The following COBL variants were observed in gnomAD, a reference collection of about 807,000 sequenced individuals.
The protein encoded by COBL is protein cordon-bleu.
In COBL, 51 loss-of-function variants were observed where a neutral mutation model predicts 98.8. That is an observed-to-expected ratio of 0.52 (90% CI 0.41 to 0.65). The LOEUF is 0.65. COBL is among the 30% of genes least tolerant of loss of function. COBL has a pLI of 0.00. For synonymous variants in COBL, 634 were observed against 651.7 expected (o/e 0.97, Z 0.41); for missense variants, 1,617 against 1,617.5 (o/e 1.00, Z 0.01).
chr7:51,160,591 C>T (rs1786699930), intron 5 of COBL, among the ~76,000 whole-genome samples: 1 of 152,202 alleles, frequency 6.6e-6, no homozygotes, highest in Admixed American at 6.5e-5. Context: ...CTGTGCTTGG[C>T]ACTCATTTAA....
At chr7:51,144,495 C>A (rs893762739) in intron 5 of COBL, among the ~76,000 whole-genome samples, 7 of 152,192 alleles carry the variant, frequency 4.6e-5, no homozygotes, top group African/African-American at 1.7e-4. Flanking sequence ...GGAGCCAGAT[C>A]AAGCATTGGC....
intron 1 of COBL, among the ~76,000 whole-genome samples, chr7:51,315,882 C>T (rs748065088): frequency 5.9e-5 from 9 of 152,034 alleles, no homozygotes; most frequent in South Asian, 2.1e-4. Context: ...TGGGCAAAAG[C>T]GGAATCGCGA....
intron 4 of COBL, among the ~76,000 whole-genome samples, chr7:51,185,199 C>T (rs534496125): frequency 1.5e-4 from 23 of 152,262 alleles, no homozygotes; most frequent in African/African-American, 4.1e-4. Flanking sequence ...GTTCCCAAAG[C>T]GAGATGGAAC....
chr7:51,250,896 G>C (rs999161384), intron 1 of COBL, among the ~76,000 whole-genome samples: 3 of 152,180 alleles, frequency 2.0e-5, no homozygotes, highest in African/African-American at 7.2e-5. Context: ...CGCAAAAGAG[G>C]GGCCTCAGCC....
intron 1 of COBL, among the ~76,000 whole-genome samples, chr7:51,278,246 G>C (rs751380389): frequency 2.6e-5 from 4 of 152,108 alleles, no homozygotes; most frequent in Non-Finnish European, 4.4e-5. Flanking sequence ...TAGCTGAATT[G>C]AGAAGCCGTC....
chr7:51,243,811 C>T (rs1796040710), intron 1 of COBL, among the ~76,000 whole-genome samples: 1 of 151,536 alleles, frequency 6.6e-6, no homozygotes, highest in Non-Finnish European at 1.5e-5. Context: ...GGAGCGGTGC[C>T]GTGTCTGGCC....
intron 7 of COBL, among the ~76,000 whole-genome samples, chr7:51,045,024 G>A (rs1210126443): frequency 1.3e-5 from 2 of 152,222 alleles, no homozygotes; most frequent in African/African-American, 4.8e-5. Flanking sequence ...TGAATGCAGT[G>A]ATGCTGGTCT....
chr7:51,249,166 T>C (rs1334905217), intron 1 of COBL, among the ~76,000 whole-genome samples: 1 of 152,178 alleles, frequency 6.6e-6, no homozygotes. Flanking sequence ...TGAATGGTGT[T>C]CAAGGCAAGG....
At chr7:51,176,998 T>C (rs1788435068) in intron 5 of COBL, among the ~76,000 whole-genome samples, 1 of 152,194 alleles carries the variant, frequency 6.6e-6, no homozygotes, top group Non-Finnish European at 1.5e-5. Context: ...AAAATAGAAA[T>C]ATTTTCAGAA....
At chr7:51,212,145 G>T (rs888291159) in intron 2 of COBL, among the ~76,000 whole-genome samples, 1 of 151,868 alleles carries the variant, frequency 6.6e-6, no homozygotes, top group Non-Finnish European at 1.5e-5. Context: ...TTTTGTATTT[G>T]TTGTGGTCTC....
intron 1 of COBL, among the ~76,000 whole-genome samples, chr7:51,279,304 G>T (rs960706600): frequency 6.6e-6 from 1 of 152,098 alleles, no homozygotes; most frequent in Non-Finnish European, 1.5e-5. Flanking sequence ...AAGACTAAAG[G>T]GAATGGGTGG....
intron 7 of COBL, among the ~76,000 whole-genome samples, chr7:51,055,271 T>G (rs1359809367): frequency 6.6e-6 from 1 of 152,168 alleles, no homozygotes; most frequent in African/African-American, 2.4e-5. Flanking sequence ...TCTTTCCTGT[T>G]GCACTAATAG....
intron 6 of COBL, among the ~76,000 whole-genome samples, chr7:51,122,483 C>T (rs1797827466): frequency 6.6e-6 from 1 of 152,208 alleles, no homozygotes; most frequent in Admixed American, 6.5e-5. Flanking sequence ...TGCAGCACTT[C>T]TATTTCCCCA....
At chr7:51,249,729 C>A (rs1246021082) in intron 1 of COBL, among the ~76,000 whole-genome samples, 2 of 152,180 alleles carry the variant, frequency 1.3e-5, no homozygotes, top group Non-Finnish European at 2.9e-5. Flanking sequence ...GACAATGCTG[C>A]CAGGAGCCAC....
chr7:51,272,655 T>C (rs1175402998), intron 1 of COBL, among the ~76,000 whole-genome samples: 2 of 152,176 alleles, frequency 1.3e-5, no homozygotes, highest in African/African-American at 2.4e-5. Context: ...GAAATTGCGC[T>C]TGGACCTCTA....
At chr7:51,310,028 G>A (rs1165786025) in intron 1 of COBL, among the ~76,000 whole-genome samples, 1 of 152,230 alleles carries the variant, frequency 6.6e-6, no homozygotes, top group Non-Finnish European at 1.5e-5. Context: ...CCCAGGTGAG[G>A]CCTGGGAAGC....
chr7:51,127,094 G>A lies in COBL; in HGVS notation c.957+9064C>T, dbSNP rs116608061. On this transcript the variant is annotated intron_variant, in intron 6 of 12. Coordinates refer to ENST00000265136, the MANE Select transcript of COBL (RefSeq NM_015198.5). ...AAATACAAGCTGTGTGCTCAAGGCC[G>A]TGGGACGTGGAGGGCCCTGGATCTG... Among the ~76,000 whole-genome samples the A allele has an allele frequency of 2.1e-3, 323 of 152,288 alleles. 4 individuals are homozygous for A. The South Asian group carries it at 0.037, about 18-fold the overall frequency.
intron 5 of COBL, among the ~76,000 whole-genome samples, chr7:51,178,759 C>A (rs567777929): frequency 6.6e-6 from 1 of 152,188 alleles, no homozygotes; most frequent in Admixed American, 6.5e-5. Context: ...CAGGTGCCTG[C>A]CACCATGCCC....
At chr7:51,177,933 G>T (rs1788557039) in intron 5 of COBL, among the ~76,000 whole-genome samples, 1 of 152,152 alleles carries the variant, frequency 6.6e-6, no homozygotes, top group South Asian at 2.1e-4. Context: ...TCACATGAGA[G>T]TCAGGAGTTT....
Sources: allele counts gnomAD v4.1 joint callset (sites outside exome capture counted in the v4.1 genomes callset), GRCh38; gene constraint gnomAD v4.1.1; transcripts MANE v1.5; gene names NCBI Gene and HGNC (gene_info 2026-07-23, HGNC 2026-07-21).